SCD5: variants seen among roughly 807,000 people sequenced by gnomAD.
SCD5 encodes acyl-CoA-desaturase 4.
Under a neutral mutation model 30.4 loss-of-function variants are expected in SCD5, and 20 were observed. The ratio of observed to expected loss-of-function variants is 0.66; its 90% CI spans 0.46 to 0.96. SCD5 has a LOEUF of 0.96. SCD5 is among the 40% of genes least tolerant of loss of function. SCD5 has a pLI of 0.00. For missense variants in SCD5, 381 were observed against 443.3 expected, an observed-to-expected ratio of 0.86 and a Z score of 1.26; for synonymous variants, 173 against 176.4, an observed-to-expected ratio of 0.98 and a Z score of 0.16.
chr4:82,688,653 A>G (rs1728763237), intron 2 of SCD5, among the ~76,000 whole-genome samples: 1 of 152,200 alleles, frequency 6.6e-6, no homozygotes, highest in African/African-American at 2.4e-5. Context: ...TGGCTTTGAG[A>G]GGACAAGTTG....
chr4:82,656,651 C>T (rs6831105), intron 3 of SCD5, among the ~76,000 whole-genome samples: 138,098 of 152,184 alleles, frequency 0.91, 62,904 homozygotes, highest in East Asian at 1. Context: ...GTATTTCTGG[C>T]TCTAGATCCT....
rs62311830 is a variant in SCD5 at position 82,754,049 on chromosome 4, C to T, written c.232+44257G>A. Among the ~76,000 whole-genome samples, 596 of 152,226 alleles carry T rather than the reference C, an allele frequency of 3.9e-3. 5 individuals carry two copies. The highest frequency in any genetic ancestry group is 5.2e-3 in the Non-Finnish European group (356 of 68,026). On this transcript the variant is annotated intron_variant, in intron 1 of 4. Coordinates refer to ENST00000319540, the MANE Select transcript of SCD5 (RefSeq NM_001037582.3). ...CGCAGTCTCTTGTCAAGCACAGACT[C>T]GCCCGAAAAATGAGACCTGAGAAAG...
chr4:82,652,416 G>C (rs1288721268), intron 3 of SCD5, among the ~76,000 whole-genome samples: 2 of 152,188 alleles, frequency 1.3e-5, no homozygotes, highest in Admixed American at 6.5e-5. Context: ...GGAGGAAGAA[G>C]AAAGACATTA....
At chr4:82,718,487 T>C (rs1720281371) in intron 1 of SCD5, among the ~76,000 whole-genome samples, 1 of 151,782 alleles carries the variant, frequency 6.6e-6, no homozygotes, top group South Asian at 2.1e-4. Flanking sequence ...CAAACGTTCC[T>C]CTATCTGGCA....
chr4:82,745,442 C>A (rs1720960872), intron 1 of SCD5, among the ~76,000 whole-genome samples: 1 of 152,210 alleles, frequency 6.6e-6, no homozygotes, highest in African/African-American at 2.4e-5. Context: ...ATGTTTCAGG[C>A]ACCAGGCAAA....
At chr4:82,754,581 C>T (rs984539134) in intron 1 of SCD5, among the ~76,000 whole-genome samples, 2 of 148,338 alleles carry the variant, frequency 1.3e-5, no homozygotes, top group East Asian at 2.1e-4. Context: ...CTGCTCAGTG[C>T]TGCTATTTAC....
At chr4:82,726,435 A>C (rs988424693) in intron 1 of SCD5, among the ~76,000 whole-genome samples, 1 of 151,086 alleles carries the variant, frequency 6.6e-6, no homozygotes, top group Non-Finnish European at 1.5e-5. Context: ...AAAAAAAAAA[A>C]CAATTACCTT....
intron 1 of SCD5, among the ~76,000 whole-genome samples, chr4:82,795,809 CA>C (rs72115040): frequency 1.8e-3 from 78 of 43,896 alleles, no homozygotes; most frequent in African/African-American, 3.2e-3. Flanking sequence ...CCCTGTCTCA[CA>C]AAAAAAAAAA....
intron 2 of SCD5, among the ~76,000 whole-genome samples, chr4:82,685,869 AT>A (rs1050512048): frequency 1.3e-5 from 2 of 151,906 alleles, no homozygotes; most frequent in Non-Finnish European, 2.9e-5. Context: ...GCTGTACATT[AT>A]TTTTTTTCCG....
At chr4:82,704,048 G>T (rs1354749) in intron 2 of SCD5, among the ~76,000 whole-genome samples, 143,576 of 152,310 alleles carry the variant, frequency 0.94, 67,796 homozygotes, top group East Asian at 1. Flanking sequence ...GTGCTTGAAT[G>T]ACAAGCAGTA....
chr4:82,664,995 C>CTATATATATA (rs779503303), intron 3 of SCD5, among the ~76,000 whole-genome samples: 14 of 83,262 alleles, frequency 1.7e-4, no homozygotes, highest in African/African-American at 2.4e-4. Context: ...CTCTCTCTCT[C>CTATATATATA]TCTCTATATA....
At chr4:82,741,853 C>CGGGGGGGGGGGGGGG (rs34875819) in intron 1 of SCD5, among the ~76,000 whole-genome samples, 1 of 45,404 alleles carries the variant, frequency 2.2e-5, no homozygotes, top group Non-Finnish European at 4.6e-5. Flanking sequence ...TCAGAGTGGG[C>CGGGGGGGGGGGGGGG]GGGGGGGGGG....
intron 1 of SCD5, among the ~76,000 whole-genome samples, chr4:82,720,354 G>GC (rs1458399245): frequency 6.7e-6 from 1 of 149,346 alleles, no homozygotes; most frequent in Non-Finnish European, 1.5e-5. Context: ...GATCACTTGA[G>GC]CCCAGGAGGT....
At chr4:82,665,063 T>C (rs2868392) in intron 3 of SCD5, among the ~76,000 whole-genome samples, 21,743 of 48,884 alleles carry the variant, frequency 0.44, 2,320 homozygotes, top group East Asian at 0.62. Context: ...CACACACACA[T>C]ATATATATAT....
At chr4:82,631,624 G>T (rs1727295938) in intron 4 of SCD5, 107 bp from the exon 5 acceptor site, 1 of 1,185,290 alleles carries the variant, frequency 8.4e-7, no homozygotes, top group Admixed American at 2.3e-5. Context: ...CATGGTGTCA[G>T]CCTCTGTGAG....
At chr4:82,714,798 G>C (rs1341513472) in intron 1 of SCD5, among the ~76,000 whole-genome samples, 1 of 152,144 alleles carries the variant, frequency 6.6e-6, no homozygotes, top group Non-Finnish European at 1.5e-5. Context: ...TGTTCAACCA[G>C]TAAGTATATG....
intron 4 of SCD5, among the ~76,000 whole-genome samples, chr4:82,636,331 A>C (rs981812567): frequency 1.6e-4 from 24 of 151,890 alleles, no homozygotes; most frequent in African/African-American, 5.8e-4. Flanking sequence ...GATGCCTGTA[A>C]TCCCAGCTCC....
intron 3 of SCD5, among the ~76,000 whole-genome samples, chr4:82,639,300 G>A (rs1009031849): frequency 6.6e-6 from 1 of 152,164 alleles, no homozygotes; most frequent in Admixed American, 6.5e-5. Context: ...CTTAGAGGTG[G>A]CCTTCTAGAG....
At chr4:82,693,391 A>G (rs1719608625) in intron 2 of SCD5, among the ~76,000 whole-genome samples, 1 of 152,024 alleles carries the variant, frequency 6.6e-6, no homozygotes, top group Non-Finnish European at 1.5e-5. Flanking sequence ...CCACTAAATT[A>G]TATCTTGAAT....
Sources: gnomAD v4.1 joint callset for allele counts (sites outside exome capture counted in the v4.1 genomes callset) on GRCh38, gnomAD v4.1.1 for gene constraint, MANE v1.5 for transcripts, NCBI Gene and HGNC (gene_info 2026-07-23, HGNC 2026-07-21) for gene names.